Variants in PCDH11X observed in about 807,000 individuals in gnomAD.
PCDH11X encodes protocadherin 11 X-linked.
PCDH11X carries 18 observed loss-of-function variants against 53.3 expected under a neutral mutation model. That is an observed-to-expected ratio of 0.34 (90% confidence interval 0.23 to 0.50). PCDH11X has a LOEUF of 0.50. Among genes scored for constraint, PCDH11X ranks in the 20% least tolerant of loss-of-function variants. The pLI is 0.98. For synonymous variants in PCDH11X, 279 were observed against 393.3 expected (o/e 0.71, Z 3.44); for missense variants, 570 against 1,032.4 (o/e 0.55, Z 6.14).
At chrX:91,905,178 G>A (rs1602467047) in intron 6 of PCDH11X, among the ~76,000 whole-genome samples, 1 of 106,890 alleles carries the variant, frequency 9.4e-6, no homozygotes, top group Admixed American at 1.0e-4. Flanking sequence ...CACCCAGGCT[G>A]GAGTGCACTA....
intron 8 of PCDH11X, among the ~76,000 whole-genome samples, chrX:92,364,984 T>A (rs2070436753): frequency 1.1e-5 from 1 of 88,150 alleles, no homozygotes; most frequent in Admixed American, 1.2e-4. Flanking sequence ...TATTTTTTTC[T>A]ATATTTTAAA....
chrX:92,522,254 T>C (rs2074381434), intron 10 of PCDH11X, among the ~76,000 whole-genome samples: 2 of 111,558 alleles, frequency 1.8e-5, no homozygotes, highest in South Asian at 7.5e-4. Context: ...TAAGATGCCA[T>C]TTTATGGTTA....
At chrX:92,014,264 G>A (rs1243799359) in intron 6 of PCDH11X, among the ~76,000 whole-genome samples, 3 of 111,869 alleles carry the variant, frequency 2.7e-5, no homozygotes, top group Non-Finnish European at 3.8e-5. Flanking sequence ...CATTTATGCA[G>A]CCAACAGACA....
intron 6 of PCDH11X, among the ~76,000 whole-genome samples, chrX:92,145,033 T>C (rs919687671): frequency 7.2e-5 from 8 of 111,818 alleles, no homozygotes; most frequent in Non-Finnish European, 1.5e-4. Flanking sequence ...TTGCTTTGTC[T>C]ATTAAAACCA....
chrX:92,113,642 G>T, intron 6 of PCDH11X: 1 of 1,199,505 alleles, frequency 8.3e-7, no homozygotes, highest in Non-Finnish European at 1.1e-6. Flanking sequence ...ATGACTGCCT[G>T]GGTGATGGTC....
intron 7 of PCDH11X, among the ~76,000 whole-genome samples, chrX:92,231,961 G>C (rs1294019445): frequency 9.0e-6 from 1 of 111,571 alleles, no homozygotes; most frequent in Non-Finnish European, 1.9e-5. Context: ...TGACTATGTA[G>C]AGTAATTTCC....
intron 10 of PCDH11X, among the ~76,000 whole-genome samples, chrX:92,543,324 AAATAT>A (rs1300807221): frequency 5.6e-5 from 6 of 107,188 alleles, no homozygotes; most frequent in Non-Finnish European, 1.2e-4. Flanking sequence ...TTGACTTGCA[AAATAT>A]CACAGTAACA....
At chrX:92,232,096 G>A (rs1193479280) in intron 7 of PCDH11X, among the ~76,000 whole-genome samples, 2 of 112,025 alleles carry the variant, frequency 1.8e-5, no homozygotes, top group Non-Finnish European at 3.8e-5. Flanking sequence ...TTTATTCATC[G>A]ATCTTGAGAT....
intron 7 of PCDH11X, among the ~76,000 whole-genome samples, chrX:92,214,668 G>T (rs2148341496): frequency 9.0e-6 from 1 of 111,437 alleles, no homozygotes; most frequent in East Asian, 2.8e-4. Context: ...ACGTGCAATT[G>T]GTTTAGTAAA....
intron 7 of PCDH11X, among the ~76,000 whole-genome samples, chrX:92,211,421 G>T (rs1391724890): frequency 9.0e-6 from 1 of 111,581 alleles, no homozygotes; most frequent in Non-Finnish European, 1.9e-5. Flanking sequence ...TCAACATTGG[G>T]AATTACAATT....
In PCDH11X at chrX:91,978,705, T is replaced by G. The variant is rs1298935290; in HGVS notation, c.3033+99432T>G. Among the ~76,000 whole-genome samples, 15 of 111,685 alleles carry G rather than the reference T, an allele frequency of 1.3e-4. No homozygotes were observed. In the Admixed American group the frequency reaches 1.4e-3, roughly 11 times the overall value. On this transcript the variant is annotated intron_variant, in intron 6 of 10. Transcript: ENST00000682573. ...GTCCACTCAAACTTCCTCATGGTAT[T>G]TTGCTTATTCATCTTACATCTTTAC...
intron 8 of PCDH11X, among the ~76,000 whole-genome samples, chrX:92,313,942 C>T (rs35650359): frequency 1.6e-4 from 18 of 111,128 alleles, no homozygotes; most frequent in African/African-American, 4.6e-4. Flanking sequence ...GAGTGATGAA[C>T]GAATGTGAAG....
intron 6 of PCDH11X, among the ~76,000 whole-genome samples, chrX:91,914,434 G>C (rs1941486903): frequency 9.0e-6 from 1 of 111,183 alleles, no homozygotes; most frequent in Admixed American, 9.6e-5. Flanking sequence ...CACTTCAGAA[G>C]GTAGATTATT....
chrX:92,321,194 G>GTTT (rs1413774808), intron 8 of PCDH11X, among the ~76,000 whole-genome samples: 4 of 76,985 alleles, frequency 5.2e-5, no homozygotes, highest in African/African-American at 5.3e-5. Flanking sequence ...GTTTTTTTTT[G>GTTT]TTTTTTTTTT....
At chrX:92,208,217 A>C (rs1215499241) in intron 7 of PCDH11X, among the ~76,000 whole-genome samples, 1 of 86,431 alleles carries the variant, frequency 1.2e-5, no homozygotes, top group Non-Finnish European at 2.3e-5. Flanking sequence ...AAAAAAAAAA[A>C]ACTTTTCTTT....
chrX:92,123,993 C>A (rs753763985), intron 6 of PCDH11X, among the ~76,000 whole-genome samples: 1 of 111,122 alleles, frequency 9.0e-6, no homozygotes, highest in South Asian at 3.8e-4. Context: ...TGTCTTGCCT[C>A]TGTGTCTTTG....
chrX:91,809,539 AT>A lies in PCDH11X; in HGVS notation c.-301del, dbSNP rs941134742. Among the ~76,000 whole-genome samples the A allele has an allele frequency of 9.5e-6, 1 of 105,356 alleles. No individual in the cohort carries two copies. Among genetic ancestry groups the A allele is most frequent in the African/African-American group, 3.5e-5 (1 of 28,928 alleles). 91.5% of individuals were successfully genotyped at this position (105,356 alleles called of 115,157 possible). A position where few individuals can be genotyped will look rare whatever the true frequency, so the allele number is the denominator to read the frequency against. On this transcript the variant is annotated 5_prime_UTR_variant, in exon 2 of 11. It removes the in-frame stop codon of an upstream open reading frame in the 5' UTR. Transcript: ENST00000682573. ...AGGATGGAATATCTTAACAAAACAC[AT>A]TTTCCTTAAGTAAATTCATGCATAC...
chrX:91,973,911 A>C (rs1274411662), intron 6 of PCDH11X, among the ~76,000 whole-genome samples: 1 of 111,127 alleles, frequency 9.0e-6, no homozygotes, highest in East Asian at 2.8e-4. Flanking sequence ...CACCATGCCC[A>C]GCCTACAACT....
At chrX:92,307,365 A>T (rs910249467) in intron 8 of PCDH11X, among the ~76,000 whole-genome samples, 1 of 110,117 alleles carries the variant, frequency 9.1e-6, no homozygotes, top group African/African-American at 3.3e-5. Flanking sequence ...AAAAATTATC[A>T]TCTCAATGTA....
Sources: gnomAD v4.1 joint callset for allele counts (sites outside exome capture counted in the v4.1 genomes callset) on GRCh38, gnomAD v4.1.1 for gene constraint, MANE v1.5 for transcripts, NCBI Gene and HGNC (gene_info 2026-07-23, HGNC 2026-07-21) for gene names.